Variants in RABGAP1L observed in about 807,000 individuals in gnomAD.
The protein encoded by RABGAP1L is RAB GTPase activating protein 1 like.
RABGAP1L carries 63 observed loss-of-function variants against 137.7 expected under a neutral mutation model. That is an observed-to-expected ratio of 0.46 (90% CI 0.37 to 0.56). The LOEUF is 0.56. RABGAP1L is among the 20% of genes least tolerant of loss of function. RABGAP1L has a pLI of 0.00. For synonymous variants in RABGAP1L, 431 were observed against 433.7 expected (o/e 0.99, Z 0.08); for missense variants, 1,095 against 1,244.0 (o/e 0.88, Z 1.80).
intron 17 of RABGAP1L, among the ~76,000 whole-genome samples, chr1:174,715,964 C>G (rs1028818359): frequency 4.6e-5 from 7 of 152,098 alleles, no homozygotes; most frequent in Non-Finnish European, 8.8e-5. Context: ...CCACAGATAC[C>G]AAAATCTGAG....
chr1:174,304,399 A>G (rs1157710861), intron 10 of RABGAP1L, among the ~76,000 whole-genome samples: 3 of 151,826 alleles, frequency 2.0e-5, no homozygotes, highest in East Asian at 3.8e-4. Flanking sequence ...TATGTATAAA[A>G]TGATTCGATT....
rs535964898 is a variant in RABGAP1L, at chr1:174,611,262, C to G, written c.1711-26113C>G. Among the ~76,000 whole-genome samples, 8 of 150,406 alleles carry G rather than the reference C, an allele frequency of 5.3e-5. No homozygotes were observed. In the East Asian group the frequency reaches 1.6e-3, roughly 29 times the overall value. On this transcript the variant is annotated intron_variant, in intron 13 of 25. Coordinates refer to ENST00000681986, the MANE Select transcript of RABGAP1L (RefSeq NM_001366446.1). ...GTGTAAGGAAGGGATCCAGTTTCAG[C>G]TTTCTACACATGGCTAGCCAGTTTT...
chr1:174,728,570 C>A (rs1682191165), intron 17 of RABGAP1L, among the ~76,000 whole-genome samples: 1 of 149,254 alleles, frequency 6.7e-6, no homozygotes, highest in Non-Finnish European at 1.5e-5. Flanking sequence ...AGATACAATG[C>A]TATTCCTATC....
chr1:174,579,499 C>G (rs1310044060), intron 13 of RABGAP1L, among the ~76,000 whole-genome samples: 1 of 152,164 alleles, frequency 6.6e-6, no homozygotes, highest in Non-Finnish European at 1.5e-5. Context: ...AACACACGTG[C>G]TGTGGAAAGG....
chr1:174,355,146 A>G (rs1683512177), intron 11 of RABGAP1L, among the ~76,000 whole-genome samples: 1 of 152,186 alleles, frequency 6.6e-6, no homozygotes, highest in Admixed American at 6.5e-5. Context: ...TCATACTGCT[A>G]TAAAGACACA....
At chr1:174,558,360 A>G (rs182221508) in intron 13 of RABGAP1L, among the ~76,000 whole-genome samples, 158 of 152,356 alleles carry the variant, frequency 1.0e-3, no homozygotes, top group Admixed American at 2.5e-3. Flanking sequence ...CTGCCAGAGT[A>G]AGTTATAATT....
At chr1:174,171,862 A>G (rs59044210) in intron 1 of RABGAP1L, among the ~76,000 whole-genome samples, 34,898 of 151,892 alleles carry the variant, frequency 0.23, 4,473 homozygotes, top group Non-Finnish European at 0.27. Context: ...TTAGCCAGGC[A>G]TGGTGGCATG....
At chr1:174,539,710 G>T (rs940644217) in intron 13 of RABGAP1L, among the ~76,000 whole-genome samples, 11 of 152,160 alleles carry the variant, frequency 7.2e-5, no homozygotes, top group Non-Finnish European at 1.3e-4. Context: ...CATTTGGGTT[G>T]GTTCCAAGTC....
At chr1:174,823,729 T>G (rs1002957738) in intron 19 of RABGAP1L, among the ~76,000 whole-genome samples, 7 of 152,208 alleles carry the variant, frequency 4.6e-5, no homozygotes, top group African/African-American at 1.7e-4. Context: ...CAAAAAGAAT[T>G]GACACATGTT....
At chr1:174,349,589 C>A (rs1418107752) in intron 11 of RABGAP1L, among the ~76,000 whole-genome samples, 1 of 105,116 alleles carries the variant, frequency 9.5e-6, no homozygotes, top group Non-Finnish European at 2.1e-5. Context: ...GGGGGGCTGA[C>A]CCCCCCCACC....
intron 13 of RABGAP1L, among the ~76,000 whole-genome samples, chr1:174,450,999 T>C (rs1215287891): frequency 6.6e-6 from 1 of 152,134 alleles, no homozygotes; most frequent in African/African-American, 2.4e-5. Context: ...GTAAGAAAGA[T>C]TTAAAATAAA....
At chr1:174,551,003 T>TATATATATATAC (rs1666485918) in intron 13 of RABGAP1L, among the ~76,000 whole-genome samples, 2 of 114,414 alleles carry the variant, frequency 1.7e-5, no homozygotes, top group African/African-American at 7.8e-5. Flanking sequence ...TATACACATA[T>TATATATATATAC]ATATATATAT....
At chr1:174,948,961 G>T (rs1302613931) in intron 19 of RABGAP1L, 1 of 152,070 alleles carries the variant, frequency 6.6e-6, no homozygotes, top group African/African-American at 2.4e-5. Flanking sequence ...ACTACAATAA[G>T]CACAAATATT....
intron 21 of RABGAP1L, among the ~76,000 whole-genome samples, chr1:174,969,712 T>A (rs866976680): frequency 7.9e-5 from 12 of 152,368 alleles, no homozygotes; most frequent in Middle Eastern, 3.4e-3. Context: ...AATGCCACTC[T>A]AACAGTAGAT....
At chr1:174,518,350 A>C (rs1396611328) in intron 13 of RABGAP1L, among the ~76,000 whole-genome samples, 1 of 152,136 alleles carries the variant, frequency 6.6e-6, no homozygotes, top group Non-Finnish European at 1.5e-5. Context: ...CAAGTCTCTT[A>C]TATTAAATGG....
rs75221063 is a variant in RABGAP1L, at chr1:174,723,105, G to A, written c.2169+20849G>A. 7.3e-4 allele frequency among the ~76,000 whole-genome samples: 110 copies of A among 151,666 alleles called. 1 individual carries two copies. The East Asian group carries it at 0.017, about 23-fold the overall frequency. On this transcript the variant is annotated intron_variant, in intron 17 of 25. Coordinates refer to ENST00000681986, the MANE Select transcript of RABGAP1L (RefSeq NM_001366446.1). ...TGTTTGTTTTTGAGAAGGAGTTTTC[G>A]CTCTTGTTGCCCAGGCTGGAGTGCA...
Position 174,736,814 on chromosome 1 carries a change from G to A in RABGAP1L, c.2170-15499G>A, listed in dbSNP as rs531384610. ...AGGCTTATGGCTTGCACCCTCTGGAGCAGCAGCCTGAACTGTACCTGGGCA... is the reference window on the plus strand; with the variant it reads ...AGGCTTATGGCTTGCACCCTCTGGAACAGCAGCCTGAACTGTACCTGGGCA... On this transcript the variant is annotated intron_variant, in intron 17 of 25. Transcript: ENST00000681986. 3.3e-5 allele frequency among the ~76,000 whole-genome samples: 5 copies of A among 152,352 alleles called. No homozygotes were observed. In the South Asian group the frequency reaches 8.3e-4, roughly 25 times the overall value.
At chr1:174,819,942 G>C (rs750190422) in intron 19 of RABGAP1L, among the ~76,000 whole-genome samples, 1 of 152,164 alleles carries the variant, frequency 6.6e-6, no homozygotes, top group Non-Finnish European at 1.5e-5. Context: ...TGGTGAATGT[G>C]TAGTTTGGTG....
intron 13 of RABGAP1L, among the ~76,000 whole-genome samples, chr1:174,503,983 T>TC (rs1404454606): frequency 2.6e-5 from 4 of 151,784 alleles, no homozygotes; most frequent in East Asian, 3.9e-4. Flanking sequence ...TCTTTTCTTT[T>TC]TTTTTTTGTG....
Sources: gnomAD v4.1 joint callset for allele counts (sites outside exome capture counted in the v4.1 genomes callset) on GRCh38, gnomAD v4.1.1 for gene constraint, MANE v1.5 for transcripts, NCBI Gene and HGNC (gene_info 2026-07-23, HGNC 2026-07-21) for gene names.